KLC1: variants seen among roughly 807,000 people sequenced by gnomAD.
KLC1 encodes kinesin light chain 1, also known as kinesin 2 60/70kDa.
Under a neutral mutation model 84.2 loss-of-function variants are expected in KLC1, and 30 were observed. The observed-to-expected ratio is 0.36, with a 90% confidence interval of 0.27 to 0.48. The LOEUF (loss-of-function observed/expected upper bound fraction) is 0.48. KLC1 is among the 20% of genes least tolerant of loss of function. The pLI, the probability that KLC1 is intolerant of heterozygous loss-of-function variation, is 0.99. For missense variants in KLC1, 499 were observed against 805.4 expected (o/e 0.62, Z 4.60); for synonymous variants, 289 against 293.3 (o/e 0.99, Z 0.15).
chr14:103,687,637 A>G (rs1043394582), intron 14 of KLC1: 1 of 153,354 alleles, frequency 6.5e-6, no homozygotes, highest in African/African-American at 2.4e-5. Context: ...TGACTATATT[A>G]AATCTCATAC....
chr14:103,681,074 C>T (rs573865361), intron 13 of KLC1, among the ~76,000 whole-genome samples: 4 of 152,300 alleles, frequency 2.6e-5, no homozygotes, highest in African/African-American at 4.8e-5. Flanking sequence ...CTCCTCTGCA[C>T]GCCTGCTGGT....
chr14:103,647,333 C>G (rs1213811770), intron 1 of KLC1, among the ~76,000 whole-genome samples: 1 of 151,936 alleles, frequency 6.6e-6, no homozygotes, highest in African/African-American at 2.4e-5. Flanking sequence ...AAGCGATTCT[C>G]CTGCCTCAGC....
At chr14:103,695,691 G>A (rs574737136) in intron 15 of KLC1, 2 of 985,450 alleles carry the variant, frequency 2.0e-6, no homozygotes, top group Admixed American at 6.1e-5. Flanking sequence ...GGGTGCAGAC[G>A]AGGTTGTGTG....
At position 103,694,250 on chromosome 14, in the gene KLC1, CTTTTTTTT is replaced by C. The variant is rs34994116; in HGVS notation, c.1848+1837_1848+1844del. On this transcript the variant is annotated intron_variant, in intron 15 of 16. Coordinates refer to ENST00000334553, the MANE Select transcript of KLC1 (RefSeq NM_001394837.1). This position sits in a 1 kb window ranked among gnomAD's most constrained non-coding sequence, Gnocchi z 4.5. ...GAAGCCCATAGAGACGTGTGTTTCA[CTTTTTTTT>C]TTTTTTTTTTTGAGACGGAGTCTAA... The C allele has an allele frequency of 2.2e-6, 2 of 917,380 alleles. No individual in the cohort carries two copies. The highest frequency in any genetic ancestry group is 5.2e-5 in the South Asian group (1 of 19,244). The allele number at this position is 917,380 out of a possible 1,614,324, so 56.8% of individuals were successfully genotyped here.
chr14:103,659,156 T>G (rs2079081705), intron 3 of KLC1, among the ~76,000 whole-genome samples: 1 of 150,126 alleles, frequency 6.7e-6, no homozygotes, highest in Admixed American at 6.7e-5. Flanking sequence ...TTTTGTATTT[T>G]AAGTAGAGAT....
chr14:103,645,161 C>A (rs1368916558), intron 1 of KLC1, among the ~76,000 whole-genome samples: 1 of 152,002 alleles, frequency 6.6e-6, no homozygotes, highest in African/African-American at 2.4e-5. Context: ...GTAGTAGAGT[C>A]GGGGTTTCTC....
In KLC1 at chr14:103,685,200, C is replaced by T. The variant is rs187922499; in HGVS notation, c.1651-1881C>T. The T allele has an allele frequency of 4.8e-5, 69 of 1,424,462 alleles. No homozygotes were observed. The African/African-American group carries it at 7.3e-4, about 15-fold the overall frequency. The allele number at this position is 1,424,462 out of a possible 1,614,324, so 88.2% of individuals were successfully genotyped here. On this transcript the variant is annotated intron_variant, in intron 13 of 16. Coordinates refer to ENST00000334553, the MANE Select transcript of KLC1 (RefSeq NM_001394837.1). Reference sequence around the variant, plus strand: ...AAATGGGCTGTAGACTTTTAAAGTCCGTGGTTTCCTAAAGTTTCTGAAATG... The same window carrying T: ...AAATGGGCTGTAGACTTTTAAAGTCTGTGGTTTCCTAAAGTTTCTGAAATG...
chr14:103,681,692 C>T (rs1000406512), intron 13 of KLC1, among the ~76,000 whole-genome samples: 13 of 152,194 alleles, frequency 8.5e-5, no homozygotes, highest in African/African-American at 3.1e-4. Flanking sequence ...CTCCTGACCT[C>T]GTGATCTGCC....
intron 1 of KLC1, among the ~76,000 whole-genome samples, chr14:103,629,720 G>A (rs1222187949): frequency 4.9e-5 from 7 of 143,840 alleles, no homozygotes; most frequent in Non-Finnish European, 7.6e-5. Flanking sequence ...TCTTGTCCCC[G>A]GCCCTTTTGC....
At chr14:103,655,061 T>C (rs2078727079) in intron 2 of KLC1, among the ~76,000 whole-genome samples, 1 of 151,898 alleles carries the variant, frequency 6.6e-6, no homozygotes, top group Non-Finnish European at 1.5e-5. Context: ...ACCCTGACTC[T>C]ACTAAAAATA....
intron 13 of KLC1, among the ~76,000 whole-genome samples, chr14:103,681,676 C>T (rs1229347033): frequency 6.6e-6 from 1 of 152,170 alleles, no homozygotes; most frequent in Non-Finnish European, 1.5e-5. Flanking sequence ...CCAGGCTGGT[C>T]TCTAACTCCT....
intron 13 of KLC1, among the ~76,000 whole-genome samples, chr14:103,681,160 G>A (rs1451718665): frequency 6.6e-6 from 1 of 152,180 alleles, no homozygotes; most frequent in East Asian, 1.9e-4. Context: ...TATCTGGTGT[G>A]TCCCCTGATA....
At chr14:103,699,816 GC>G (rs1197146432) in intron 15 of KLC1, 6 of 563,066 alleles carry the variant, frequency 1.1e-5, no homozygotes, top group East Asian at 3.1e-5. Flanking sequence ...CCTTCCTCTG[GC>G]CCCCCCAGGC....
intron 5 of KLC1, among the ~76,000 whole-genome samples, chr14:103,667,440 A>G (rs1276334846): frequency 5.3e-5 from 8 of 152,022 alleles, no homozygotes; most frequent in Non-Finnish European, 1.0e-4. Flanking sequence ...ATTTGCTACA[A>G]TTCTCCTGCC....
At chr14:103,671,937 CA>C (rs906690408) in intron 7 of KLC1, among the ~76,000 whole-genome samples, 7 of 152,180 alleles carry the variant, frequency 4.6e-5, no homozygotes, top group Admixed American at 1.3e-4. Context: ...GATGACCTGC[CA>C]AATTCATTCA....
intron 5 of KLC1, among the ~76,000 whole-genome samples, chr14:103,666,188 C>T (rs1208952172): frequency 5.9e-5 from 9 of 152,046 alleles, no homozygotes; most frequent in Non-Finnish European, 1.2e-4. Context: ...CTCAGCCTCC[C>T]GAGTAGCTGG....
chr14:103,635,788 A>G (rs2077001646), intron 1 of KLC1, among the ~76,000 whole-genome samples: 1 of 152,002 alleles, frequency 6.6e-6, no homozygotes, highest in African/African-American at 2.4e-5. Context: ...AGGTACTGTT[A>G]CTGAGATTCT....
At chr14:103,638,048 C>T (rs761138514) in intron 1 of KLC1, among the ~76,000 whole-genome samples, 1 of 152,038 alleles carries the variant, frequency 6.6e-6, no homozygotes, top group Non-Finnish European at 1.5e-5. Context: ...AGGCTGGTCC[C>T]TTCACCTCAG....
intron 12 of KLC1, among the ~76,000 whole-genome samples, chr14:103,678,249 C>G (rs546171561): frequency 6.6e-6 from 1 of 151,860 alleles, no homozygotes; most frequent in African/African-American, 2.4e-5. Flanking sequence ...GGCAACAGAG[C>G]GAGACTCCGT....
Sources: allele counts gnomAD v4.1 joint callset (sites outside exome capture counted in the v4.1 genomes callset), GRCh38; gene constraint gnomAD v4.1.1; non-coding constraint Gnocchi (gnomAD v3.1); transcripts MANE v1.5; gene names NCBI Gene and HGNC (gene_info 2026-07-23, HGNC 2026-07-21).